The following PRRC2C variants were observed in gnomAD, a reference collection of about 807,000 sequenced individuals.
The protein encoded by PRRC2C is proline rich coiled-coil 2C.
Under a neutral mutation model 317.2 loss-of-function variants are expected in PRRC2C, and 72 were observed. That is an observed-to-expected ratio of 0.23 (90% CI 0.19 to 0.28). PRRC2C has a LOEUF of 0.28. Ranked by LOEUF, PRRC2C falls within the 10% of genes least tolerant of loss-of-function variation. The pLI is 1.00. For synonymous variants in PRRC2C, 1,296 were observed against 1,205.9 expected, an observed-to-expected ratio of 1.07 and a Z score of -1.55; for missense variants, 3,074 against 3,459.7, an observed-to-expected ratio of 0.89 and a Z score of 2.80.
intron 18 of PRRC2C, among the ~76,000 whole-genome samples, chr1:171,551,150 G>A (rs235473): frequency 0.81 from 122,550 of 152,116 alleles, 49,485 homozygotes; most frequent in Middle Eastern, 0.9. Context: ...ACTTTTTAAT[G>A]ATTGCCATTC....
At chr1:171,552,502 G>A (rs753114402) in intron 18 of PRRC2C, among the ~76,000 whole-genome samples, 13 of 152,140 alleles carry the variant, frequency 8.5e-5, no homozygotes, top group East Asian at 3.8e-4. Context: ...ACACTATGCT[G>A]AATAGGAGTG....
Position 171,541,008 on chromosome 1 carries a change from G to C in PRRC2C, c.3542G>C (p.Trp1181Ser). ...TYWKEARERD[W>S]FPDQGYRGRG... ...TGGAAAGAAGCTAGAGAGAGAGATT[G>C]GTTTCCAGATCAAGGATACAGAGGT... Residue 1181 changes from tryptophan (W) to serine (S), a missense_variant, in exon 16 of 35, where the codon TGG becomes TCG. This residue lies in a region of PRRC2C where 1,320 missense variants were observed against 1,395.7 expected (regional missense o/e 0.95). Transcript: ENST00000647382. The surrounding 1 kb of genome is among the most constrained non-coding windows in gnomAD (Gnocchi z 4.1). The C allele has an allele frequency of 6.2e-7, 1 of 1,613,072 alleles. No individual in the cohort carries two copies. Among genetic ancestry groups the C allele is most frequent in the East Asian group, 2.2e-5 (1 of 44,872 alleles).
At chr1:171,526,803 A>ATTTTTTTTTT (rs1557918055) in intron 10 of PRRC2C, among the ~76,000 whole-genome samples, 3 of 85,812 alleles carry the variant, frequency 3.5e-5, no homozygotes, top group African/African-American at 9.5e-5. Flanking sequence ...TCAGAAATAT[A>ATTTTTTTTTT]TCTTTTTTTT....
In PRRC2C at chr1:171,537,313, C is replaced by T; in HGVS notation, c.2344C>T (p.Pro782Ser). 3.7e-6 allele frequency: 6 copies of T among 1,601,066 alleles called. No individual in the cohort carries two copies. The highest frequency in any genetic ancestry group is 5.1e-6 in the Non-Finnish European group (6 of 1,173,160). ...GAGAAGAGACCAGATGGAAGGGTCA[C>T]CGAACAGTTCTGAGTCATTTGAGCA... ...LMRRDQMEGS[P>S]NSSESFEHIA... The change falls in exon 15 of 35, where the codon CCG becomes TCG. Residue 782 changes from proline to serine, a missense_variant. Around this residue, in one of 11 missense-constraint regions of PRRC2C, gnomAD observed 1,320 missense variants for 1,395.7 expected, o/e 0.95. Transcript: ENST00000647382.
In PRRC2C at chr1:171,579,402, A is replaced by G; in HGVS notation, c.7208A>G (p.Gln2403Arg). 6.2e-7 allele frequency: 1 copy of G among 1,613,970 alleles called. No individual in the cohort carries two copies. The highest frequency in any genetic ancestry group is 8.5e-7 in the Non-Finnish European group (1 of 1,179,866). ...YMDTSHLFNT[Q>R]HARLAPPSLA... ...GACACAAGTCATTTATTCAATACCC[A>G]ACATGCACGATTGGCTCCGCCATCC... The change falls in exon 27 of 35, where the codon CAA becomes CGA. Residue 2403 changes from glutamine to arginine, a missense_variant. Around this residue, in one of 11 missense-constraint regions of PRRC2C, gnomAD observed 490 missense variants for 663.1 expected, o/e 0.74. Transcript: ENST00000647382.
rs1393202720 is a variant in PRRC2C, at chr1:171,592,654, C to T, written c.*807C>T. ...TAAAATGCTGGTTAGGTTGAGTCTT[C>T]CTTGCCCCCACTCAGTCATCTTTGT... On this transcript the variant is annotated 3_prime_UTR_variant, in exon 35 of 35. Coordinates refer to ENST00000647382, the MANE Select transcript of PRRC2C (RefSeq NM_001387844.1). The T allele has an allele frequency of 2.0e-5, 3 of 152,086 alleles. No individual in the cohort carries two copies. The highest frequency in any genetic ancestry group is 4.4e-5 in the Non-Finnish European group (3 of 68,010). The allele number at this position is 152,086 out of a possible 1,614,324, so 9.4% of individuals were successfully genotyped here.
chr1:171,559,505 GTTTGTTTTTTTTT>G (rs1363615189), intron 19 of PRRC2C, among the ~76,000 whole-genome samples: 11 of 95,120 alleles, frequency 1.2e-4, no homozygotes, highest in African/African-American at 2.4e-4. Context: ...GGCATACCAA[GTTTGTTTTTTTTT>G]TTTTTTTTTT....
At chr1:171,588,621 TTG>T in intron 33 of PRRC2C, 116 bp downstream of exon 33, 6 of 1,182,346 alleles carry the variant, frequency 5.1e-6, no homozygotes, top group Non-Finnish European at 7.0e-6. Context: ...TAATAAAAAA[TTG>T]TTTCTGAATT....
At position 171,545,542 on chromosome 1, in the gene PRRC2C, C is replaced by G; in HGVS notation, c.4827C>G (p.His1609Gln). 1 of 1,597,820 alleles carries G rather than the reference C, an allele frequency of 6.3e-7. No homozygotes were observed. Among genetic ancestry groups the G allele is most frequent in the Non-Finnish European group, 8.5e-7 (1 of 1,172,026 alleles). The change falls in exon 17 of 35, where the codon CAC (histidine) becomes CAG (glutamine). Residue 1609 changes from histidine (H) to glutamine (Q), a missense_variant. His to Gln is a conservative substitution (Grantham distance 24). Around this residue, in one of 11 missense-constraint regions of PRRC2C, gnomAD observed 178 missense variants for 163.0 expected, o/e 1.09. Transcript: ENST00000647382. The part of the protein sequence containing the change: ...GVDLINGSSA[H>Q]HQEGVPNGTG... ...ACCTCATCAATGGCAGCTCTGCACA[C>G]CATCAGGAAGGAGTACCTAATGGTA...
In PRRC2C at chr1:171,541,253, C is replaced by T. The variant is rs776069243; in HGVS notation, c.3787C>T (p.Arg1263Trp). 1.1e-5 allele frequency: 18 copies of T among 1,613,786 alleles called. No individual in the cohort carries two copies. The highest frequency in any genetic ancestry group is 3.3e-5 in the South Asian group (3 of 91,070). The change falls in exon 16 of 35, where the codon CGG (arginine) becomes TGG (tryptophan). Residue 1263 changes from arginine (R) to tryptophan (W), a missense_variant. Arg to Trp is a moderately radical substitution (Grantham distance 101). Around this residue, in one of 11 missense-constraint regions of PRRC2C, gnomAD observed 1,320 missense variants for 1,395.7 expected, o/e 0.95. Coordinates refer to ENST00000647382, the MANE Select transcript of PRRC2C (RefSeq NM_001387844.1). The surrounding 1 kb of genome is among the most constrained non-coding windows in gnomAD (Gnocchi z 4.1). ...AGTTGTCCCCAAAAGAAGACGACAGCGGGGTTCAGAGACTGACACAGACAG... is the reference window on the plus strand; with the variant it reads ...AGTTGTCCCCAAAAGAAGACGACAGTGGGGTTCAGAGACTGACACAGACAG... ...FEVVPKRRRQ[R>W]GSETDTDSEI...
Position 171,532,883 on chromosome 1 carries a change from G to C in PRRC2C, c.1795G>C (p.Glu599Gln). 1 of 1,584,648 alleles carries C rather than the reference G, an allele frequency of 6.3e-7. No homozygotes were observed. The highest frequency in any genetic ancestry group is 8.5e-7 in the Non-Finnish European group (1 of 1,173,218). Residue 599 changes from glutamate to glutamine, a missense_variant, in exon 12 of 35, where the codon GAG becomes CAG. Physicochemically the swap from Glu to Gln is conservative, Grantham distance 29. Around this residue, in one of 11 missense-constraint regions of PRRC2C, gnomAD observed 1,320 missense variants for 1,395.7 expected, o/e 0.95. Coordinates refer to ENST00000647382, the MANE Select transcript of PRRC2C (RefSeq NM_001387844.1). ...GCTGGAGAAGGAAAGGGAAAAATTA[G>C]AGGAGAAAATTGAACCCAGAGAACC... The part of the protein sequence containing the change: ...CELEKEREKL[E>Q]EKIEPREPNL...
intron 12 of PRRC2C, 23 bp downstream of exon 12, chr1:171,532,984 CTT>C (rs752592880): frequency 1.5e-5 from 23 of 1,504,148 alleles, no homozygotes; most frequent in Non-Finnish European, 1.9e-5. Context: ...TCTTCATTCT[CTT>C]TTAAAAACTT....
At position 171,557,388 on chromosome 1, in the gene PRRC2C, C is replaced by T; in HGVS notation, c.5276C>T (p.Ser1759Leu). Residue 1759 changes from serine (S) to leucine (L), a missense_variant, in exon 19 of 35, where the codon TCA becomes TTA. This residue lies in a region of PRRC2C where 640 missense variants were observed against 676.1 expected (regional missense o/e 0.95). Coordinates refer to ENST00000647382, the MANE Select transcript of PRRC2C (RefSeq NM_001387844.1). Reference protein sequence around the residue: ...PPLASAPLPPSTSASVPASTS... With the variant: ...PPLASAPLPPLTSASVPASTS... ...CTAGCTTCGGCTCCACTTCCACCTT[C>T]AACCTCAGCTTCAGTTCCAGCCTCA... The T allele has an allele frequency of 6.4e-7, 1 of 1,551,780 alleles. No individual in the cohort carries two copies. The highest frequency in any genetic ancestry group is 8.7e-7 in the Non-Finnish European group (1 of 1,146,996).
chr1:171,551,796 C>G (rs1398012087), intron 18 of PRRC2C, among the ~76,000 whole-genome samples: 2 of 152,016 alleles, frequency 1.3e-5, no homozygotes, highest in Non-Finnish European at 2.9e-5. Flanking sequence ...ATTTCTGAGG[C>G]CTCTGTTCTG....
In PRRC2C at chr1:171,587,093, C is replaced by A; in HGVS notation, c.7840C>A (p.Pro2614Thr). 1 of 1,611,862 alleles carries A rather than the reference C, an allele frequency of 6.2e-7. No individual in the cohort carries two copies. Among genetic ancestry groups the A allele is most frequent in the Non-Finnish European group, 8.5e-7 (1 of 1,179,070 alleles). ...AATTGCTTTGCCTCAGACTCTTCAG[C>A]CCCCATTACAGCATACCACTCCCCA... is the stretch of plus-strand genomic sequence containing the variant. ...PLIALPQTLQ[P>T]PLQHTTPQAQ... The change falls in exon 31 of 35, where the codon CCC (proline) becomes ACC (threonine). Residue 2614 changes from proline (P) to threonine (T), a missense_variant. Pro to Thr is a conservative substitution (Grantham distance 38, BLOSUM62 -1). This residue lies in a region of PRRC2C where 490 missense variants were observed against 663.1 expected (regional missense o/e 0.74). Coordinates refer to ENST00000647382, the MANE Select transcript of PRRC2C (RefSeq NM_001387844.1).
chr1:171,547,979 G>C (rs1679479796), intron 17 of PRRC2C, among the ~76,000 whole-genome samples: 1 of 150,474 alleles, frequency 6.6e-6, no homozygotes, highest in Non-Finnish European at 1.5e-5. Flanking sequence ...TAGAAAAATG[G>C]AATAATGGTA....
intron 1 of PRRC2C, among the ~76,000 whole-genome samples, chr1:171,506,802 A>C (rs550387621): frequency 6.6e-6 from 1 of 151,664 alleles, no homozygotes; most frequent in Non-Finnish European, 1.5e-5. Flanking sequence ...CTAAAATGCT[A>C]GTAATACCAA....
chr1:171,545,727 T>TTATTTATG (rs1203640620), intron 17 of PRRC2C, 40 bp downstream of exon 17: 1 of 1,087,222 alleles, frequency 9.2e-7, no homozygotes, highest in African/African-American at 1.7e-5. Flanking sequence ...ATTTATTTAT[T>TTATTTATG]TATTTATTTA....
At chr1:171,557,100 C>A in intron 18 of PRRC2C, 140 bp from the exon 19 acceptor site, 1 of 1,389,856 alleles carries the variant, frequency 7.2e-7, no homozygotes, top group Non-Finnish European at 9.5e-7. Context: ...ATCTTATTAG[C>A]AACCCTGACA....
Sources: allele counts gnomAD v4.1 joint callset (sites outside exome capture counted in the v4.1 genomes callset), GRCh38; gene constraint gnomAD v4.1.1; regional missense constraint gnomAD v4.1.1; non-coding constraint Gnocchi (gnomAD v3.1); transcripts MANE v1.5; gene names NCBI Gene and HGNC (gene_info 2026-07-23, HGNC 2026-07-21).